Variants in DLC1 observed in about 807,000 individuals in gnomAD.
DLC1 encodes the protein DLC1 Rho GTPase activating protein, also known as rho GTPase-activating protein 7.
In DLC1, 54 loss-of-function variants were observed where a neutral mutation model predicts 140.3. The ratio of observed to expected loss-of-function variants is 0.38; its 90% confidence interval spans 0.31 to 0.48. The LOEUF is 0.48. Among genes scored for constraint, DLC1 ranks in the 20% least tolerant of loss-of-function variants. The pLI is 0.96. For synonymous variants in DLC1, 986 were observed against 728.1 expected, an observed-to-expected ratio of 1.35 and a Z score of -5.70; for missense variants, 2,536 against 1,907.0, an observed-to-expected ratio of 1.33 and a Z score of -6.14.
At chr8:13,316,804 C>G (rs955331918) in intron 4 of DLC1, among the ~76,000 whole-genome samples, 1 of 152,184 alleles carries the variant, frequency 6.6e-6, no homozygotes, top group Non-Finnish European at 1.5e-5. Context: ...TAACCCCCAA[C>G]TGACTGCAGT....
chr8:13,594,557 T>C (rs569827424), intron 1 of DLC1, among the ~76,000 whole-genome samples: 1 of 152,280 alleles, frequency 6.6e-6, no homozygotes, highest in East Asian at 1.9e-4. Flanking sequence ...TCTGCGTAAG[T>C]CTTCTCCTTC....
chr8:13,499,494 A>C lies in DLC1; in HGVS notation c.578T>G (p.Leu193Arg). Residue 193 changes from leucine (L) to arginine (R), a missense_variant, in exon 2 of 18, where the codon CTT becomes CGT. Physicochemically the swap from Leu to Arg is moderately radical, Grantham distance 102. Transcript: ENST00000276297. ...TTCACTTAAGCTTATTTCATTGCAA[A>C]GCTCCAGGCTTTTACTTATAGAGTC... ...VTDSISKSLE[L>R]CNEISLSEIK... The C allele has an allele frequency of 6.2e-7, 1 of 1,614,130 alleles. No individual in the cohort carries two copies. The highest frequency in any genetic ancestry group is 1.3e-5 in the African/African-American group (1 of 75,038).
At chr8:13,587,631 C>T (rs1050802825) in intron 1 of DLC1, among the ~76,000 whole-genome samples, 26 of 129,800 alleles carry the variant, frequency 2.0e-4, no homozygotes, top group African/African-American at 5.9e-4. Context: ...ATATACATTG[C>T]CTATATATAT....
At chr8:13,159,394 C>T (rs565612951) in intron 5 of DLC1, among the ~76,000 whole-genome samples, 11 of 152,298 alleles carry the variant, frequency 7.2e-5, no homozygotes, top group African/African-American at 1.9e-4. Context: ...GACTCCAGGG[C>T]GCTGCACTTT....
At chr8:13,580,224 G>T (rs1292501393) in intron 1 of DLC1, among the ~76,000 whole-genome samples, 4 of 151,748 alleles carry the variant, frequency 2.6e-5, no homozygotes, top group African/African-American at 7.3e-5. Flanking sequence ...CCTGGTTCAC[G>T]CCATTCTCCT....
Position 13,085,716 on chromosome 8 carries a change from T to C in DLC1, c.*95A>G. ...ACACTCCAGCTTGTAGTTTTCTTTG[T>C]TTCAGGATTAGACACAGAACCCATT... On this transcript the variant is annotated 3_prime_UTR_variant, in exon 18 of 18. Coordinates refer to ENST00000276297, the MANE Select transcript of DLC1 (RefSeq NM_182643.3). 6.5e-7 allele frequency: 1 copy of C among 1,548,298 alleles called. No homozygotes were observed. The highest frequency in any genetic ancestry group is 8.7e-7 in the Non-Finnish European group (1 of 1,148,020).
intron 5 of DLC1, among the ~76,000 whole-genome samples, chr8:13,140,265 C>T (rs527868418): frequency 2.6e-5 from 4 of 152,084 alleles, no homozygotes; most frequent in African/African-American, 7.2e-5. Context: ...CACGATCTTG[C>T]TCTGTTACCC....
chr8:13,229,344 A>G (rs868296310), intron 5 of DLC1, among the ~76,000 whole-genome samples: 29 of 152,212 alleles, frequency 1.9e-4, no homozygotes, highest in African/African-American at 6.5e-4. Flanking sequence ...AATGGACCAC[A>G]TATCCTCTGA....
At chr8:13,227,248 C>G (rs1236312954) in intron 5 of DLC1, among the ~76,000 whole-genome samples, 2 of 152,184 alleles carry the variant, frequency 1.3e-5, no homozygotes, top group East Asian at 3.9e-4. Context: ...CACCTAGTGA[C>G]TAGCCCACAA....
At chr8:13,202,973 C>T (rs1011472243) in intron 5 of DLC1, among the ~76,000 whole-genome samples, 2 of 152,186 alleles carry the variant, frequency 1.3e-5, no homozygotes, top group African/African-American at 4.8e-5. Context: ...AAGCTTCCCC[C>T]TTGTAACACA....
chr8:13,599,050 G>C (rs35497315), intron 1 of DLC1, among the ~76,000 whole-genome samples: 27,192 of 151,762 alleles, frequency 0.18, 3,017 homozygotes, highest in Non-Finnish European at 0.24. Flanking sequence ...GCAAAAGGAA[G>C]TAGCAGAAGT....
intron 2 of DLC1, among the ~76,000 whole-genome samples, chr8:13,498,185 T>G (rs1585207273): frequency 6.6e-6 from 1 of 152,170 alleles, no homozygotes; most frequent in African/African-American, 2.4e-5. Flanking sequence ...ATTGGCCATG[T>G]GGGGTTTATA....
intron 1 of DLC1, among the ~76,000 whole-genome samples, chr8:13,545,624 C>G (rs932626551): frequency 2.0e-5 from 3 of 151,812 alleles, no homozygotes; most frequent in African/African-American, 4.8e-5. Flanking sequence ...TAGTTTAATA[C>G]CATATAAAGA....
chr8:13,403,872 T>C (rs1837410035), intron 2 of DLC1, among the ~76,000 whole-genome samples: 1 of 144,912 alleles, frequency 6.9e-6, no homozygotes, highest in Non-Finnish European at 1.5e-5. Flanking sequence ...TTGCCCAGGC[T>C]GGTCTCAAAC....
chr8:13,573,913 G>C (rs917381286), intron 1 of DLC1, among the ~76,000 whole-genome samples: 2 of 152,098 alleles, frequency 1.3e-5, no homozygotes, highest in Non-Finnish European at 2.9e-5. Flanking sequence ...TCTTACTTGT[G>C]AGCAACGCAA....
At chr8:13,328,768 C>T (rs775234470) in intron 4 of DLC1, among the ~76,000 whole-genome samples, 5 of 151,064 alleles carry the variant, frequency 3.3e-5, no homozygotes, top group Non-Finnish European at 5.9e-5. Flanking sequence ...ATGTGATGAG[C>T]ACCAGCCAGA....
Position 13,099,562 on chromosome 8 carries a change from C to T in DLC1, c.2775G>A (p.Glu925=). Residue 925 remains glutamate, a synonymous_variant, in exon 9 of 18, where the codon GAG becomes GAA. Transcript: ENST00000276297. ...CCGAATCTCCCTCATCAGAAAACTT[C>T]TCCGACCACTGATTGACTATCCGCT... ...GMQRIVNQWS[E]KFSDEGDSDS... is the part of the protein sequence containing the mutation. 1 of 1,614,186 alleles carries T rather than the reference C, an allele frequency of 6.2e-7. No homozygotes were observed. The highest frequency in any genetic ancestry group is 1.1e-5 in the South Asian group (1 of 91,086).
intron 4 of DLC1, among the ~76,000 whole-genome samples, chr8:13,375,724 A>G (rs1835947487): frequency 6.9e-6 from 1 of 144,784 alleles, no homozygotes; most frequent in African/African-American, 2.9e-5. Context: ...CTGTTATTTT[A>G]TTTTATTTTT....
intron 6 of DLC1, among the ~76,000 whole-genome samples, 186 bp from the exon 7 acceptor site, chr8:13,111,009 T>C (rs182396763): frequency 2.6e-5 from 4 of 152,310 alleles, no homozygotes; most frequent in African/African-American, 7.2e-5. Flanking sequence ...ATCACTGTCC[T>C]AAAGGAGCTT....
Sources: gnomAD v4.1 joint callset for allele counts (sites outside exome capture counted in the v4.1 genomes callset) on GRCh38, gnomAD v4.1.1 for gene constraint, MANE v1.5 for transcripts, NCBI Gene and HGNC (gene_info 2026-07-23, HGNC 2026-07-21) for gene names.